The following ZNF721 variants were observed in gnomAD, a reference collection of about 807,000 sequenced individuals.
The protein encoded by ZNF721 is zinc finger protein 721.
A neutral mutation model predicts 2.4 loss-of-function variants in ZNF721; 2 were observed. That is an observed-to-expected ratio of 0.82 (90% CI 0.34 to 2.58). The LOEUF (loss-of-function observed/expected upper bound fraction) is 2.58, where lower values mean the gene tolerates loss of function less well. Among genes scored for constraint, ZNF721 ranks in the 30% most tolerant of loss-of-function variants. The probability of loss-of-function intolerance (pLI) is 0.11; values close to 1 mark genes in which losing one functional copy is unlikely to be tolerated. For synonymous variants in ZNF721, 398 were observed against 381.8 expected, an observed-to-expected ratio of 1.04 and a Z score of -0.50; for missense variants, 1,187 against 1,085.5, an observed-to-expected ratio of 1.09 and a Z score of -1.31.
intron 1 of ZNF721, among the ~76,000 whole-genome samples, chr4:489,998 T>C (rs1271649878): frequency 1.8e-4 from 28 of 152,026 alleles, no homozygotes; most frequent in Middle Eastern, 3.4e-3. Context: ...TGGCTGGGAC[T>C]ACAGGCACAT....
chr4:479,657 G>A (rs1715725847), intron 1 of ZNF721, among the ~76,000 whole-genome samples: 1 of 152,156 alleles, frequency 6.6e-6, no homozygotes. Flanking sequence ...CCAGAGGCTG[G>A]GGCCTACACC....
chr4:456,107 G>C (rs926753663), intron 2 of ZNF721, among the ~76,000 whole-genome samples: 1 of 151,342 alleles, frequency 6.6e-6, no homozygotes, highest in Admixed American at 6.6e-5. Flanking sequence ...GTCTCGCCCT[G>C]TCACCCAGGC....
At position 442,003 on chromosome 4, in the gene ZNF721, TG is replaced by T; in HGVS notation, c.2463del (p.Thr822GlnfsTer137). 1 of 1,614,032 alleles carries T rather than the reference TG, an allele frequency of 6.2e-7. No individual in the cohort carries two copies. Among genetic ancestry groups the T allele is most frequent in the Non-Finnish European group, 8.5e-7 (1 of 1,179,936 alleles). On this transcript the variant is annotated frameshift_variant, in exon 3 of 3. Coordinates refer to ENST00000511833, the MANE Select transcript of ZNF721 (RefSeq NM_133474.4). LOFTEE classifies it low-confidence loss of function (END_TRUNC). Reference protein sequence around the residue: ...CLECGKAFTSSTTLTKHRRIH... With the variant: ...CLECGKAFTSXTTLTKHRRIH... ...ATTCTCCTATGTTTAGTAAGGGTTG[TG>T]GAACTAGTAAACGCTTTACCACATT... is the stretch of plus-strand genomic sequence containing the variant.
intron 1 of ZNF721, among the ~76,000 whole-genome samples, chr4:488,607 G>A (rs1194652769): frequency 3.9e-5 from 6 of 152,180 alleles, no homozygotes; most frequent in South Asian, 2.1e-4. Context: ...CGAGGCAGGC[G>A]GATCACAAGG....
chr4:486,282 C>G (rs1715895609), intron 1 of ZNF721, among the ~76,000 whole-genome samples: 1 of 151,940 alleles, frequency 6.6e-6, no homozygotes, highest in African/African-American at 2.4e-5. Context: ...CCTCCGCCTC[C>G]CGAGTAGCTG....
In ZNF721 at chr4:472,561, A is replaced by G. The variant is rs1553867862; in HGVS notation, c.34+14T>C. 3 of 1,595,780 alleles carry G rather than the reference A, an allele frequency of 1.9e-6. No homozygotes were observed. The highest frequency in any genetic ancestry group is 2.6e-6 in the Non-Finnish European group (3 of 1,175,394). ...GAGGGAGTATTAGGAATTATGCATT[A>G]AAGTTATCCTCACCTAGGGAGACCA... On this transcript the variant is annotated intron_variant, in intron 2 of 2. Transcript: ENST00000511833.
At chr4:495,454 A>AC (rs1315760455) in intron 1 of ZNF721, among the ~76,000 whole-genome samples, 3 of 65,448 alleles carry the variant, frequency 4.6e-5, no homozygotes, top group African/African-American at 1.4e-4. Context: ...TTTAAAATTG[A>AC]CTTTTTTTTT....
chr4:480,335 CTT>C (rs1553869191), intron 1 of ZNF721, among the ~76,000 whole-genome samples: 1 of 152,152 alleles, frequency 6.6e-6, no homozygotes, highest in Admixed American at 6.5e-5. Context: ...GAGCAAAACA[CTT>C]TTGTAATTTG....
At chr4:481,948 A>T (rs782156147) in intron 1 of ZNF721, among the ~76,000 whole-genome samples, 1 of 152,238 alleles carries the variant, frequency 6.6e-6, no homozygotes, top group Non-Finnish European at 1.5e-5. Flanking sequence ...GTCATATAAA[A>T]TGTTACTTAA....
At position 441,859 on chromosome 4, in the gene ZNF721, A is replaced by C. The variant is rs782101710; in HGVS notation, c.2608T>G (p.Cys870Gly). 6.2e-7 allele frequency: 1 copy of C among 1,614,028 alleles called. No homozygotes were observed. Among genetic ancestry groups the C allele is most frequent in the Non-Finnish European group, 8.5e-7 (1 of 1,180,010 alleles). Residue 870 changes from cysteine (C) to glycine (G), a missense_variant, in exon 3 of 3, where the codon TGT (cysteine) becomes GGT (glycine). Transcript: ENST00000511833. ...TGEKPYTCGE[C>G]GKTFRQSANL... is the part of the protein sequence containing the mutation. ...GCAGACTGTCTAAAGGTTTTGCCAC[A>C]TTCTCCACATGTGTAGGGTTTCTCT... is the stretch of plus-strand genomic sequence containing the variant.
rs781943033 is a variant in ZNF721, at chr4:441,866, A to C, written c.2601T>G (p.Cys867Trp). ...RIHTGEKPYT[C>W]GECGKTFRQS... ...GTCTAAAGGTTTTGCCACATTCTCC[A>C]CATGTGTAGGGTTTCTCTCCAGTAT... Residue 867 changes from cysteine (C) to tryptophan (W), a missense_variant, in exon 3 of 3, where the codon TGT becomes TGG. Coordinates refer to ENST00000511833, the MANE Select transcript of ZNF721 (RefSeq NM_133474.4). The C allele has an allele frequency of 5.0e-6, 8 of 1,613,882 alleles. No homozygotes were observed. The South Asian group carries it at 5.5e-5, about 11-fold the overall frequency.
intron 2 of ZNF721, among the ~76,000 whole-genome samples, chr4:455,492 G>A (rs1252343015): frequency 6.6e-6 from 1 of 152,120 alleles, no homozygotes; most frequent in Non-Finnish European, 1.5e-5. Context: ...GTTTGAATCT[G>A]GGAGGCAGAG....
At chr4:459,216 T>C (rs1479204727) in intron 2 of ZNF721, among the ~76,000 whole-genome samples, 3 of 152,058 alleles carry the variant, frequency 2.0e-5, no homozygotes, top group Non-Finnish European at 2.9e-5. Flanking sequence ...GTAAAGACCA[T>C]CAACACTATG....
At chr4:452,115 C>A (rs1553864920) in intron 2 of ZNF721, among the ~76,000 whole-genome samples, 2 of 152,152 alleles carry the variant, frequency 1.3e-5, no homozygotes, top group Admixed American at 1.3e-4. Context: ...CCTGACTGGC[C>A]CTGGCCAGGC....
intron 1 of ZNF721, among the ~76,000 whole-genome samples, chr4:485,310 T>C (rs1199204160): frequency 6.6e-6 from 1 of 152,094 alleles, no homozygotes; most frequent in African/African-American, 2.4e-5. Flanking sequence ...TGAGTAAATA[T>C]CATGGTTTCA....
chr4:468,812 A>G (rs1715339034), intron 2 of ZNF721, among the ~76,000 whole-genome samples: 1 of 152,216 alleles, frequency 6.6e-6, no homozygotes. Context: ...AAATATACAG[A>G]CACAGGGCTG....
intron 1 of ZNF721, among the ~76,000 whole-genome samples, chr4:486,082 T>C (rs1427531954): frequency 4.7e-4 from 71 of 152,252 alleles, no homozygotes; most frequent in African/African-American, 1.6e-3. Context: ...AGCAGGCTAT[T>C]CTAATATGCA....
At chr4:466,002 T>C (rs1397979625) in intron 2 of ZNF721, among the ~76,000 whole-genome samples, 21 of 149,222 alleles carry the variant, frequency 1.4e-4, no homozygotes, top group Non-Finnish European at 1.5e-5. Flanking sequence ...TTCTTTTCTT[T>C]TTTTTTTTTT....
At position 442,120 on chromosome 4, in the gene ZNF721, A is replaced by C; in HGVS notation, c.2347T>G (p.Cys783Gly). Residue 783 changes from cysteine (C) to glycine (G), a missense_variant, in exon 3 of 3, where the codon TGT becomes GGT. Coordinates refer to ENST00000511833, the MANE Select transcript of ZNF721 (RefSeq NM_133474.4). ...KIHTGKKPYK[C>G]KECGKVITSS... ...GTAATGACTTTGCCACATTCCTTAC[A>C]TTTGTAGGGTTTCTTTCCAGTATGA... The C allele has an allele frequency of 1.2e-6, 2 of 1,613,844 alleles. No individual in the cohort carries two copies. The highest frequency in any genetic ancestry group is 1.7e-6 in the Non-Finnish European group (2 of 1,179,792).
Sources: allele counts gnomAD v4.1 joint callset (sites outside exome capture counted in the v4.1 genomes callset), GRCh38; gene constraint gnomAD v4.1.1; transcripts MANE v1.5; gene names NCBI Gene and HGNC (gene_info 2026-07-23, HGNC 2026-07-21).